MALRD1: variants seen among roughly 807,000 people sequenced by gnomAD.
The protein encoded by MALRD1 is MAM and LDL receptor class A domain containing 1.
In MALRD1, 247 loss-of-function variants were observed where a neutral mutation model predicts 242.1. The observed-to-expected ratio is 1.02, with a 90% CI of 0.92 to 1.13. MALRD1 has a LOEUF of 1.13. Among genes scored for constraint, MALRD1 ranks in the 50% most tolerant of loss-of-function variants. The pLI, the probability that MALRD1 is intolerant of heterozygous loss-of-function variation, is 0.00. For missense variants in MALRD1, 2,989 were observed against 2,533.1 expected (o/e 1.18, Z -3.86); for synonymous variants, 995 against 866.6 (o/e 1.15, Z -2.60).
At chr10:19,560,935 G>A (rs1351136429) in intron 32 of MALRD1, among the ~76,000 whole-genome samples, 1 of 151,998 alleles carries the variant, frequency 6.6e-6, no homozygotes, top group Non-Finnish European at 1.5e-5. Context: ...TTCTGCACAT[G>A]TATCCCAAAA....
At chr10:19,467,747 A>T (rs1836292461) in intron 29 of MALRD1, among the ~76,000 whole-genome samples, 1 of 149,248 alleles carries the variant, frequency 6.7e-6, no homozygotes, top group Non-Finnish European at 1.5e-5. Flanking sequence ...AGTATGTATT[A>T]TTTCCCTGGT....
chr10:19,722,032 A>G (rs543116697), intron 38 of MALRD1: 2 of 152,254 alleles, frequency 1.3e-5, no homozygotes, highest in Non-Finnish European at 2.9e-5. Context: ...GAGAGAAGTT[A>G]GTGGACTTCA....
At chr10:19,594,839 A>T (rs1161281995) in intron 33 of MALRD1, among the ~76,000 whole-genome samples, 4 of 152,064 alleles carry the variant, frequency 2.6e-5, no homozygotes, top group Non-Finnish European at 5.9e-5. Context: ...AAGGGGAAAG[A>T]TTGGGCATGT....
intron 33 of MALRD1, among the ~76,000 whole-genome samples, chr10:19,570,886 G>GA (rs1001601306): frequency 1.3e-5 from 2 of 151,746 alleles, no homozygotes; most frequent in Non-Finnish European, 2.9e-5. Flanking sequence ...TTGTAATTGG[G>GA]AAAAAATAAT....
rs189983199 is a variant in MALRD1 at position 19,323,669 on chromosome 10, C to T, written c.3420-280C>T. Among the ~76,000 whole-genome samples the T allele has an allele frequency of 3.9e-3, 599 of 152,254 alleles. 7 individuals are homozygous for T. The highest frequency in any genetic ancestry group is 0.013 in the African/African-American group (551 of 41,550). On this transcript the variant is annotated intron_variant, in intron 21 of 39. Coordinates refer to ENST00000454679, the MANE Select transcript of MALRD1 (RefSeq NM_001142308.3). ...AGTTGCCCAGACGGGAGTGCAATGG[C>T]GCGATCTCAGCTCACTGCAACCTGC...
chr10:19,263,344 A>G (rs1839835742), intron 19 of MALRD1, among the ~76,000 whole-genome samples: 1 of 152,194 alleles, frequency 6.6e-6, no homozygotes, highest in African/African-American at 2.4e-5. Flanking sequence ...CTAACAGATG[A>G]GAGTTAATAT....
At chr10:19,083,232 A>T (rs1835551880) in intron 2 of MALRD1, among the ~76,000 whole-genome samples, 1 of 151,974 alleles carries the variant, frequency 6.6e-6, no homozygotes. Flanking sequence ...TTCTGTGTGT[A>T]TGTTGGGGTG....
chr10:19,416,963 C>G (rs545875454), intron 28 of MALRD1, among the ~76,000 whole-genome samples: 1 of 152,318 alleles, frequency 6.6e-6, no homozygotes, highest in African/African-American at 2.4e-5. Flanking sequence ...GTGATGAACA[C>G]TTCGCTACCT....
At chr10:19,078,039 A>T (rs1293201714) in intron 2 of MALRD1, among the ~76,000 whole-genome samples, 1 of 151,966 alleles carries the variant, frequency 6.6e-6, no homozygotes, top group Non-Finnish European at 1.5e-5. Flanking sequence ...GAGATAATTC[A>T]TAAAAGTTGC....
chr10:19,501,900 G>T (rs1837988903), intron 31 of MALRD1, among the ~76,000 whole-genome samples: 1 of 151,288 alleles, frequency 6.6e-6, no homozygotes, highest in African/African-American at 2.4e-5. Flanking sequence ...GTGTGGTAGA[G>T]TGCCTGTTGT....
In MALRD1 at chr10:19,088,199, A is replaced by G. The variant is rs947640641; in HGVS notation, c.597+14A>G. 2.8e-5 allele frequency: 35 copies of G among 1,232,876 alleles called. No homozygotes were observed. Among genetic ancestry groups the G allele is most frequent in the Non-Finnish European group, 3.4e-5 (34 of 987,378 alleles). 76.4% of individuals were successfully genotyped at this position (1,232,876 alleles called of 1,614,324 possible). A position where few individuals can be genotyped will look rare whatever the true frequency, so the allele number is the denominator to read the frequency against. On this transcript the variant is annotated intron_variant, in intron 4 of 39. Coordinates refer to ENST00000454679, the MANE Select transcript of MALRD1 (RefSeq NM_001142308.3). ...CAGAGATTTCAGGTATGTGTGTTCT[A>G]TTTTCTAACTATGGCCTTGAAGAAA...
intron 33 of MALRD1, among the ~76,000 whole-genome samples, chr10:19,592,288 A>T (rs897412139): frequency 2.6e-5 from 4 of 152,232 alleles, no homozygotes; most frequent in African/African-American, 7.2e-5. Flanking sequence ...TTTAGCTGTG[A>T]TGCAGGTGCA....
chr10:19,447,743 C>A (rs1041197082), intron 28 of MALRD1, among the ~76,000 whole-genome samples: 1 of 13,744 alleles, frequency 7.3e-5, no homozygotes, highest in Non-Finnish European at 2.2e-4. Context: ...GATAGACCAC[C>A]CTTTCCTTTA....
chr10:19,213,124 A>T (rs1215513720), intron 18 of MALRD1, among the ~76,000 whole-genome samples: 1 of 152,080 alleles, frequency 6.6e-6, no homozygotes, highest in African/African-American at 2.4e-5. Context: ...TATTTTATAA[A>T]TCATGCTGTG....
chr10:19,115,708 T>G (rs192304472), intron 5 of MALRD1, among the ~76,000 whole-genome samples: 1 of 152,154 alleles, frequency 6.6e-6, no homozygotes, highest in Admixed American at 6.6e-5. Flanking sequence ...AAACCCTGTA[T>G]CTACTAAAAA....
intron 39 of MALRD1, among the ~76,000 whole-genome samples, chr10:19,733,462 C>G (rs1232287682): frequency 6.6e-6 from 1 of 152,120 alleles, no homozygotes; most frequent in Non-Finnish European, 1.5e-5. Flanking sequence ...TTGAGGCCAT[C>G]AAACATTCAG....
At chr10:19,077,105 G>C (rs549652605) in intron 2 of MALRD1, among the ~76,000 whole-genome samples, 2 of 151,984 alleles carry the variant, frequency 1.3e-5, no homozygotes, top group East Asian at 3.9e-4. Context: ...TTCCTTGCCA[G>C]TGTATAGAAA....
intron 10 of MALRD1, among the ~76,000 whole-genome samples, chr10:19,144,170 G>GA (rs1833646640): frequency 1.3e-5 from 2 of 152,048 alleles, no homozygotes; most frequent in Non-Finnish European, 2.9e-5. Context: ...CATTTAGAGG[G>GA]AAAAATAATA....
intron 38 of MALRD1, among the ~76,000 whole-genome samples, chr10:19,715,504 C>T (rs935252021): frequency 7.9e-5 from 12 of 151,776 alleles, no homozygotes; most frequent in African/African-American, 1.2e-4. Flanking sequence ...AAAATATTTC[C>T]AGAATAGGTG....
Sources: gnomAD v4.1 joint callset for allele counts (sites outside exome capture counted in the v4.1 genomes callset) on GRCh38, gnomAD v4.1.1 for gene constraint, MANE v1.5 for transcripts, NCBI Gene and HGNC (gene_info 2026-07-23, HGNC 2026-07-21) for gene names.